Variants in TNS3 observed in about 807,000 individuals in gnomAD.
TNS3 encodes tensin 3.
In TNS3, 45 loss-of-function variants were observed where a neutral mutation model predicts 140.9. That is an observed-to-expected ratio of 0.32 (90% CI 0.25 to 0.41). The LOEUF (loss-of-function observed/expected upper bound fraction) is 0.41. Among genes scored for constraint, TNS3 ranks in the 10% least tolerant of loss-of-function variants. TNS3 has a pLI of 1.00. For synonymous variants in TNS3, 815 were observed against 788.4 expected, an observed-to-expected ratio of 1.03 and a Z score of -0.56; for missense variants, 1,716 against 1,906.7, an observed-to-expected ratio of 0.90 and a Z score of 1.86.
intron 4 of TNS3, among the ~76,000 whole-genome samples, chr7:47,455,723 G>C (rs537939865): frequency 1.3e-5 from 2 of 152,318 alleles, no homozygotes; most frequent in East Asian, 1.9e-4. Context: ...GCGGCGATGG[G>C]CACCTGGGAG....
At chr7:47,566,803 A>T (rs1800437237) in intron 1 of TNS3, among the ~76,000 whole-genome samples, 1 of 152,142 alleles carries the variant, frequency 6.6e-6, no homozygotes, top group East Asian at 1.9e-4. Flanking sequence ...ACTTAGGGAC[A>T]CCCAGGCAGG....
At chr7:47,395,918 G>T (rs1411688010) in intron 16 of TNS3, among the ~76,000 whole-genome samples, 1 of 152,076 alleles carries the variant, frequency 6.6e-6, no homozygotes, top group Non-Finnish European at 1.5e-5. Flanking sequence ...TGCTGCCCTG[G>T]GACACACAAT....
chr7:47,309,816 AAG>A (rs1468204247), intron 20 of TNS3, among the ~76,000 whole-genome samples: 1 of 152,246 alleles, frequency 6.6e-6, no homozygotes, highest in African/African-American at 2.4e-5. Flanking sequence ...CAGTACTAGA[AAG>A]AGAGAGCATG....
At chr7:47,425,383 T>C (rs1794594129) in intron 9 of TNS3, among the ~76,000 whole-genome samples, 1 of 152,144 alleles carries the variant, frequency 6.6e-6, no homozygotes, top group African/African-American at 2.4e-5. Flanking sequence ...AATGTGTCTG[T>C]GCCCCTCCAG....
chr7:47,480,180 C>T (rs578039243), intron 4 of TNS3, among the ~76,000 whole-genome samples: 2 of 152,356 alleles, frequency 1.3e-5, no homozygotes, highest in African/African-American at 2.4e-5. Flanking sequence ...GCTGCCAAAT[C>T]TCCGGCAGAA....
At chr7:47,323,678 T>C (rs1485756510) in intron 20 of TNS3, among the ~76,000 whole-genome samples, 2 of 152,226 alleles carry the variant, frequency 1.3e-5, no homozygotes, top group East Asian at 3.9e-4. Context: ...ACAATTGTAC[T>C]TTAAAAATGG....
At chr7:47,479,597 A>T (rs150774550) in intron 4 of TNS3, among the ~76,000 whole-genome samples, 2,689 of 152,172 alleles carry the variant, frequency 0.018, 41 homozygotes, top group South Asian at 0.033. Context: ...CCCGCCCCGG[A>T]CGGCCTCAGC....
intron 13 of TNS3, among the ~76,000 whole-genome samples, chr7:47,408,189 T>G (rs190121009): frequency 2.0e-5 from 3 of 152,094 alleles, no homozygotes; most frequent in Non-Finnish European, 4.4e-5. Flanking sequence ...GGTGGGACAC[T>G]GAGGAAAGGA....
intron 1 of TNS3, among the ~76,000 whole-genome samples, chr7:47,531,147 T>C (rs1352463210): frequency 6.6e-6 from 1 of 151,892 alleles, no homozygotes; most frequent in African/African-American, 2.4e-5. Flanking sequence ...AAAAACTACC[T>C]ATCGAGTACT....
intron 16 of TNS3, among the ~76,000 whole-genome samples, chr7:47,392,107 C>G (rs1056922352): frequency 5.9e-5 from 9 of 152,146 alleles, no homozygotes. Context: ...CGGCAGGCAG[C>G]CACACTGTGT....
chr7:47,577,734 T>C (rs919169506), intron 1 of TNS3, among the ~76,000 whole-genome samples: 7 of 152,118 alleles, frequency 4.6e-5, no homozygotes, highest in African/African-American at 1.4e-4. Flanking sequence ...CCTTGGGTAC[T>C]TGAGTAGTAA....
intron 20 of TNS3, among the ~76,000 whole-genome samples, chr7:47,333,138 G>C (rs937445785): frequency 2.6e-5 from 4 of 151,650 alleles, no homozygotes; most frequent in African/African-American, 9.7e-5. Flanking sequence ...ACCCTCAAAT[G>C]AATTCATGTT....
At chr7:47,516,173 C>A (rs1798772565) in intron 2 of TNS3, among the ~76,000 whole-genome samples, 1 of 152,202 alleles carries the variant, frequency 6.6e-6, no homozygotes, top group African/African-American at 2.4e-5. Flanking sequence ...ATGAAATTGT[C>A]TATTTGGGGA....
chr7:47,488,658 T>C (rs1797698612), intron 3 of TNS3, among the ~76,000 whole-genome samples: 1 of 152,216 alleles, frequency 6.6e-6, no homozygotes, highest in Non-Finnish European at 1.5e-5. Context: ...GTCCTGGGGA[T>C]TTGGACTTCA....
rs531158453 is a variant in TNS3 at position 47,562,688 on chromosome 7, T to C, written c.-265+19363A>G. Among the ~76,000 whole-genome samples the C allele has an allele frequency of 2.6e-5, 4 of 152,294 alleles. No individual in the cohort carries two copies. In the South Asian group the frequency reaches 8.3e-4, roughly 32 times the overall value. On this transcript the variant is annotated intron_variant, in intron 1 of 30. Coordinates refer to ENST00000311160, the MANE Select transcript of TNS3 (RefSeq NM_022748.12). ...GCATGAGCCACCGCACCAGGCCTAG[T>C]CTGCTGCCTTCTACTGGAGTGCAAC...
At chr7:47,424,784 T>A (rs1032639880) in intron 9 of TNS3, among the ~76,000 whole-genome samples, 1 of 152,106 alleles carries the variant, frequency 6.6e-6, no homozygotes, top group African/African-American at 2.4e-5. Flanking sequence ...GTTGGAAAGG[T>A]GTCTCAGGCC....
Position 47,303,186 on chromosome 7 carries a change from G to A in TNS3, c.3221C>T (p.Ala1074Val), listed in dbSNP as rs370692650. 63 of 1,613,308 alleles carry A rather than the reference G, an allele frequency of 3.9e-5. No homozygotes were observed. The highest frequency in any genetic ancestry group is 3.3e-4 in the Middle Eastern group (2 of 6,084). ...ACTGTGGTGGCTGCTGTGTCCAGGCGCCACCGTGAGAAAGTTGTGGGACAG... is the reference window on the plus strand; with the variant it reads ...ACTGTGGTGGCTGCTGTGTCCAGGCACCACCGTGAGAAAGTTGTGGGACAG... ...GFLSHNFLTVAPGHSSHHSPG... is the reference protein window; with the variant it reads ...GFLSHNFLTVVPGHSSHHSPG... The change falls in exon 22 of 31, where the codon GCG becomes GTG. Residue 1074 changes from alanine to valine, a missense_variant. Coordinates refer to ENST00000311160, the MANE Select transcript of TNS3 (RefSeq NM_022748.12).
At chr7:47,384,997 A>G (rs948713737) in intron 16 of TNS3, among the ~76,000 whole-genome samples, 2 of 152,208 alleles carry the variant, frequency 1.3e-5, no homozygotes, top group African/African-American at 2.4e-5. Flanking sequence ...AAGCTGTCCC[A>G]GCTCTCAACA....
intron 1 of TNS3, among the ~76,000 whole-genome samples, chr7:47,536,060 CG>C (rs1799585986): frequency 6.6e-6 from 1 of 152,216 alleles, no homozygotes; most frequent in Non-Finnish European, 1.5e-5. Flanking sequence ...TTCCGGGCCT[CG>C]GGGATATTTC....
Sources: gnomAD v4.1 joint callset for allele counts (sites outside exome capture counted in the v4.1 genomes callset) on GRCh38, gnomAD v4.1.1 for gene constraint, MANE v1.5 for transcripts, NCBI Gene and HGNC (gene_info 2026-07-23, HGNC 2026-07-21) for gene names.